SCN2A: variants seen among roughly 807,000 people sequenced by gnomAD.
The protein encoded by SCN2A is sodium channel protein type 2 subunit alpha.
In SCN2A, 20 loss-of-function variants were observed where a neutral mutation model predicts 188.7. That is an observed-to-expected ratio of 0.11 (90% CI 0.07 to 0.15). The LOEUF is 0.15. Among genes scored for constraint, SCN2A ranks in the 10% least tolerant of loss-of-function variants. SCN2A has a pLI of 1.00. For missense variants in SCN2A, 1,278 were observed against 2,445.0 expected, an observed-to-expected ratio of 0.52 and a Z score of 10.07; for synonymous variants, 804 against 833.1, an observed-to-expected ratio of 0.97 and a Z score of 0.60.
At chr2:165,361,211 T>A (rs1700445004) in intron 17 of SCN2A, among the ~76,000 whole-genome samples, 1 of 151,970 alleles carries the variant, frequency 6.6e-6, no homozygotes, top group South Asian at 2.1e-4. Flanking sequence ...GATCATTGCT[T>A]AAAGAAAACT....
At chr2:165,375,649 G>A (rs917806071) in intron 22 of SCN2A, among the ~76,000 whole-genome samples, 5 of 152,022 alleles carry the variant, frequency 3.3e-5, no homozygotes, top group Admixed American at 6.6e-5. Context: ...AAGTAAATGC[G>A]CTTGAATGTA....
chr2:165,366,097 T>C (rs988330143), intron 18 of SCN2A, among the ~76,000 whole-genome samples: 1 of 152,184 alleles, frequency 6.6e-6, no homozygotes, highest in Non-Finnish European at 1.5e-5. Context: ...CTCTTATATA[T>C]CCTTCAAGAT....
chr2:165,267,127 C>T (rs1359748799), intron 1 of SCN2A: 1 of 151,960 alleles, frequency 6.6e-6, no homozygotes, highest in Non-Finnish European at 1.5e-5. Flanking sequence ...ATTCCAATGA[C>T]ATAATAGATA....
chr2:165,291,035 C>CTTTCTTTTTTT (rs1559339507), intron 1 of SCN2A, among the ~76,000 whole-genome samples: 8 of 79,966 alleles, frequency 1.0e-4, no homozygotes, highest in African/African-American at 1.3e-4. Context: ...TCTTTTCTTT[C>CTTTCTTTTTTT]TTTTTTTTTT....
At chr2:165,350,072 C>T (rs1699805237) in intron 16 of SCN2A, among the ~76,000 whole-genome samples, 1 of 152,134 alleles carries the variant, frequency 6.6e-6, no homozygotes, top group Non-Finnish European at 1.5e-5. Flanking sequence ...TTTTTATGAG[C>T]CATTCTTAGT....
intron 11 of SCN2A, among the ~76,000 whole-genome samples, chr2:165,321,466 T>A (rs1410024156): frequency 1.3e-5 from 2 of 152,202 alleles, no homozygotes; most frequent in African/African-American, 4.8e-5. Flanking sequence ...TTTACTGTAT[T>A]AATCTGTTTT....
chr2:165,282,802 A>C (rs1406339051), intron 1 of SCN2A, among the ~76,000 whole-genome samples: 5 of 152,210 alleles, frequency 3.3e-5, no homozygotes, highest in Non-Finnish European at 5.9e-5. Flanking sequence ...GATGGTGGCA[A>C]CTTGAACCAG....
At chr2:165,363,519 G>A (rs899245206) in intron 17 of SCN2A, among the ~76,000 whole-genome samples, 3 of 150,634 alleles carry the variant, frequency 2.0e-5, no homozygotes, top group South Asian at 2.1e-4. Context: ...TAACAGGTTC[G>A]TGTGAATTAG....
At chr2:165,275,039 G>A (rs1695275136) in intron 1 of SCN2A, among the ~76,000 whole-genome samples, 1 of 152,208 alleles carries the variant, frequency 6.6e-6, no homozygotes, top group South Asian at 2.1e-4. Context: ...CCTAACTGAG[G>A]TTGGCAGCAA....
Position 165,296,075 on chromosome 2 carries a change from C to T in SCN2A, c.252C>T (p.Tyr84=), listed in dbSNP as rs143065769. 41 of 1,613,376 alleles carry T rather than the reference C, an allele frequency of 2.5e-5. No homozygotes were observed. The highest frequency in any genetic ancestry group is 3.1e-5 in the Non-Finnish European group (36 of 1,179,986). Residue 84 remains tyrosine (Y), a synonymous_variant, in exon 2 of 27, where the codon TAC becomes TAT. Coordinates refer to ENST00000375437, the MANE Select transcript of SCN2A (RefSeq NM_001040142.2). ...VSVPLEDLDP[Y]YINKKTFIVL... ...TGCCCCTGGAGGATCTGGACCCCTACTATATCAATAAGAAAGTGAGTTCTT... is the reference window on the plus strand; with the variant it reads ...TGCCCCTGGAGGATCTGGACCCCTATTATATCAATAAGAAAGTGAGTTCTT...
intron 11 of SCN2A, among the ~76,000 whole-genome samples, chr2:165,319,014 C>T (rs1441414362): frequency 9.9e-5 from 15 of 152,160 alleles, no homozygotes; most frequent in Non-Finnish European, 1.9e-4. Context: ...GGAGAGATGA[C>T]TTCTGTTGTG....
intron 12 of SCN2A, 151 bp downstream of exon 12, chr2:165,323,651 CT>C (rs1366352109): frequency 3.6e-5 from 26 of 731,618 alleles, no homozygotes; most frequent in Admixed American, 1.9e-4. Flanking sequence ...TCTTGTGAAA[CT>C]GTTCTATTCA....
intron 1 of SCN2A, chr2:165,271,583 C>T (rs1695106667): frequency 1.3e-5 from 2 of 152,130 alleles, no homozygotes; most frequent in Non-Finnish European, 2.9e-5. Flanking sequence ...AATTGAAATA[C>T]AATTTCCATA....
intron 14 of SCN2A, among the ~76,000 whole-genome samples, chr2:165,339,979 A>C (rs1574630753): frequency 6.6e-6 from 1 of 152,358 alleles, no homozygotes; most frequent in East Asian, 1.9e-4. Context: ...TGAGTTCATA[A>C]ATAGATCCAA....
intron 20 of SCN2A, chr2:165,372,820 A>G (rs1701110835): frequency 5.2e-6 from 1 of 192,704 alleles, no homozygotes; most frequent in Non-Finnish European, 1.1e-5. Context: ...GTTACTTTCC[A>G]TTTCAGATCT....
chr2:165,380,964 A>G, intron 24 of SCN2A, 129 bp from the exon 25 acceptor site: 3 of 712,142 alleles, frequency 4.2e-6, no homozygotes, highest in East Asian at 2.7e-5. Context: ...GAATAAAGGC[A>G]TCTCTATAAA....
chr2:165,331,004 A>G (rs1409668966), intron 13 of SCN2A, among the ~76,000 whole-genome samples: 1 of 152,186 alleles, frequency 6.6e-6, no homozygotes, highest in Non-Finnish European at 1.5e-5. Context: ...TACCTGGAAC[A>G]TGGATGAGCT....
At chr2:165,347,238 T>C (rs1005289621) in intron 16 of SCN2A, among the ~76,000 whole-genome samples, 2 of 152,180 alleles carry the variant, frequency 1.3e-5, no homozygotes, top group Non-Finnish European at 2.9e-5. Flanking sequence ...GTGGCACATA[T>C]ACACCATGAA....
At chr2:165,275,611 G>A (rs1156921076) in intron 1 of SCN2A, among the ~76,000 whole-genome samples, 5 of 152,152 alleles carry the variant, frequency 3.3e-5, no homozygotes, top group Non-Finnish European at 7.3e-5. Context: ...GAAAGATTAG[G>A]TTTATTGTTT....
Sources: gnomAD v4.1 joint callset for allele counts (sites outside exome capture counted in the v4.1 genomes callset) on GRCh38, gnomAD v4.1.1 for gene constraint, MANE v1.5 for transcripts, NCBI Gene and HGNC (gene_info 2026-07-23, HGNC 2026-07-21) for gene names.